The following CHSY3 variants were observed in gnomAD, a reference collection of about 807,000 sequenced individuals.
CHSY3 encodes chondroitin sulfate synthase 3.
Under a neutral mutation model 67.2 loss-of-function variants are expected in CHSY3, and 35 were observed. The observed-to-expected ratio is 0.52, with a 90% CI of 0.40 to 0.69. CHSY3 has a LOEUF of 0.69. Ranked by LOEUF, CHSY3 falls within the 30% of genes least tolerant of loss-of-function variation. The probability of loss-of-function intolerance (pLI) is 0.00; values close to 1 mark genes in which losing one functional copy is unlikely to be tolerated. For missense variants in CHSY3, 1,069 were observed against 1,138.5 expected (o/e 0.94, Z 0.88); for synonymous variants, 474 against 434.7 (o/e 1.09, Z -1.12).
intron 1 of CHSY3, 57 bp from the exon 2 acceptor site, chr5:129,908,020 C>G: frequency 6.4e-7 from 1 of 1,568,952 alleles, no homozygotes. Context: ...TTACCTTGTA[C>G]ATGATAAGTG....
At chr5:130,071,261 A>G (rs1393681689) in intron 2 of CHSY3, among the ~76,000 whole-genome samples, 2 of 152,046 alleles carry the variant, frequency 1.3e-5, no homozygotes, top group Non-Finnish European at 2.9e-5. Context: ...AAGAGAGAAC[A>G]TTTGTCACCT....
chr5:130,130,926 G>A (rs1012953955), intron 2 of CHSY3, among the ~76,000 whole-genome samples: 1 of 152,076 alleles, frequency 6.6e-6, no homozygotes, highest in African/African-American at 2.4e-5. Context: ...TTCTATCTGG[G>A]TATGATTCTC....
chr5:130,101,754 T>C (rs1413339395), intron 2 of CHSY3, among the ~76,000 whole-genome samples: 1 of 152,138 alleles, frequency 6.6e-6, no homozygotes, highest in African/African-American at 2.4e-5. Flanking sequence ...CATGATATCA[T>C]AAAAGGGACA....
chr5:130,116,236 T>A (rs1197404835), intron 2 of CHSY3, among the ~76,000 whole-genome samples: 4 of 152,146 alleles, frequency 2.6e-5, no homozygotes, highest in Non-Finnish European at 5.9e-5. Flanking sequence ...CCTTAGGCAA[T>A]CATACTAATT....
At chr5:130,128,866 T>C (rs1768386106) in intron 2 of CHSY3, among the ~76,000 whole-genome samples, 1 of 152,056 alleles carries the variant, frequency 6.6e-6, no homozygotes, top group Admixed American at 6.6e-5. Context: ...AAAATATTTC[T>C]GTAATGAACT....
chr5:130,108,309 C>T (rs1487309242), intron 2 of CHSY3, among the ~76,000 whole-genome samples: 1 of 151,286 alleles, frequency 6.6e-6, no homozygotes, highest in Non-Finnish European at 1.5e-5. Flanking sequence ...TCCAGAGAGC[C>T]CTTTCAAAAA....
At chr5:129,916,794 A>G (rs1365827520) in intron 2 of CHSY3, among the ~76,000 whole-genome samples, 1 of 152,158 alleles carries the variant, frequency 6.6e-6, no homozygotes, top group East Asian at 1.9e-4. Context: ...GGAGTGCATA[A>G]GAAGGAGGAG....
chr5:130,100,836 T>C (rs1767218053), intron 2 of CHSY3, among the ~76,000 whole-genome samples: 1 of 152,224 alleles, frequency 6.6e-6, no homozygotes, highest in African/African-American at 2.4e-5. Flanking sequence ...TAATTGCCAT[T>C]TCAACCCTCT....
intron 2 of CHSY3, chr5:130,140,468 AC>A (rs1768826491): frequency 8.8e-7 from 1 of 1,132,608 alleles, no homozygotes; most frequent in Non-Finnish European, 1.2e-6. Flanking sequence ...GTGCCAGCTT[AC>A]TTTAATGACT....
intron 2 of CHSY3, among the ~76,000 whole-genome samples, chr5:130,063,481 C>G (rs1197668018): frequency 6.6e-6 from 1 of 152,146 alleles, no homozygotes; most frequent in Non-Finnish European, 1.5e-5. Flanking sequence ...TATCTCTCTT[C>G]TTGCTTTTTC....
intron 2 of CHSY3, among the ~76,000 whole-genome samples, chr5:130,134,768 T>A (rs146643209): frequency 1.7e-3 from 264 of 152,204 alleles, no homozygotes; most frequent in African/African-American, 6.2e-3. Flanking sequence ...ATAGAATTTT[T>A]AAAAATAAAG....
intron 2 of CHSY3, among the ~76,000 whole-genome samples, chr5:130,036,827 A>T (rs1420147399): frequency 6.6e-6 from 1 of 151,992 alleles, no homozygotes; most frequent in East Asian, 1.9e-4. Flanking sequence ...TGTATTGAGG[A>T]TCCTAAATGT....
intron 2 of CHSY3, among the ~76,000 whole-genome samples, chr5:129,950,602 A>G: frequency 6.6e-6 from 1 of 152,186 alleles, no homozygotes; most frequent in East Asian, 1.9e-4. Flanking sequence ...ATATACAAAA[A>G]TCAGTTGTTT....
At chr5:130,081,528 G>A (rs1385765975) in intron 2 of CHSY3, among the ~76,000 whole-genome samples, 3 of 152,010 alleles carry the variant, frequency 2.0e-5, no homozygotes, top group South Asian at 2.1e-4. Flanking sequence ...CCCTGATATC[G>A]TTTGACTGTG....
rs1295961482 is a variant in CHSY3 at position 129,994,650 on chromosome 5, A to G, written c.1086+86290A>G. On this transcript the variant is annotated intron_variant, in intron 2 of 2. Transcript: ENST00000305031. ...TAGCAAAGACTTGGAACCAACCCAG[A>G]TGTCCAACAATGATAGACTGGTTTA... Among the ~76,000 whole-genome samples, 4 of 152,144 alleles carry G rather than the reference A, an allele frequency of 2.6e-5. No homozygotes were observed. In the East Asian group the frequency reaches 7.7e-4, roughly 29 times the overall value.
chr5:129,951,790 T>C (rs1199197759), intron 2 of CHSY3, among the ~76,000 whole-genome samples: 1 of 152,240 alleles, frequency 6.6e-6, no homozygotes, highest in East Asian at 1.9e-4. Context: ...TAAAATATGA[T>C]ATCCAGATAT....
intron 2 of CHSY3, among the ~76,000 whole-genome samples, chr5:130,003,409 C>T (rs1265471070): frequency 6.6e-6 from 1 of 152,060 alleles, no homozygotes; most frequent in African/African-American, 2.4e-5. Flanking sequence ...TCTGATACAA[C>T]CTAAATGGTG....
Position 129,979,015 on chromosome 5 carries a change from G to A in CHSY3, c.1086+70655G>A, listed in dbSNP as rs1245441443. Among the ~76,000 whole-genome samples the A allele has an allele frequency of 1.5e-4, 22 of 151,592 alleles. No individual in the cohort carries two copies. The South Asian group carries it at 2.5e-3, about 17-fold the overall frequency. ...AGATTGAGACCATCCTGGCTAACAC[G>A]GTGAAACCCCCTGTCTACTAAAAAT... On this transcript the variant is annotated intron_variant, in intron 2 of 2. Transcript: ENST00000305031.
intron 2 of CHSY3, among the ~76,000 whole-genome samples, chr5:130,040,981 A>G (rs1186845926): frequency 6.6e-6 from 1 of 152,074 alleles, no homozygotes; most frequent in Non-Finnish European, 1.5e-5. Context: ...GTATTGATGA[A>G]CAGATTTGAT....
Sources: gnomAD v4.1 joint callset for allele counts (sites outside exome capture counted in the v4.1 genomes callset) on GRCh38, gnomAD v4.1.1 for gene constraint, MANE v1.5 for transcripts, NCBI Gene and HGNC (gene_info 2026-07-23, HGNC 2026-07-21) for gene names.